TMX4: variants seen among roughly 807,000 people sequenced by gnomAD.
TMX4 encodes the protein thioredoxin-related transmembrane protein 4.
In TMX4, 23 loss-of-function variants were observed where a neutral mutation model predicts 33.3. The observed-to-expected ratio is 0.69, with a 90% CI of 0.50 to 0.98. TMX4 has a LOEUF of 0.98. Among genes scored for constraint, TMX4 ranks in the 50% least tolerant of loss-of-function variants. The pLI is 0.00. For synonymous variants in TMX4, 164 were observed against 161.5 expected, an observed-to-expected ratio of 1.02 and a Z score of -0.12; for missense variants, 399 against 448.9, an observed-to-expected ratio of 0.89 and a Z score of 1.01.
chr20:8,019,293 C>A, intron 1 of TMX4, 145 bp downstream of exon 1: 1 of 1,010,168 alleles, frequency 9.9e-7, no homozygotes, highest in South Asian at 1.9e-5. Flanking sequence ...GGCCCGGCAC[C>A]GGCGCCGCAG....
At chr20:8,006,925 C>T (rs1239122901) in intron 2 of TMX4, among the ~76,000 whole-genome samples, 1 of 152,098 alleles carries the variant, frequency 6.6e-6, no homozygotes, top group Non-Finnish European at 1.5e-5. Flanking sequence ...GCCACCACAC[C>T]CAGCTAATTT....
intron 1 of TMX4, among the ~76,000 whole-genome samples, chr20:8,016,765 C>T (rs1205243818): frequency 6.6e-6 from 1 of 152,152 alleles, no homozygotes; most frequent in African/African-American, 2.4e-5. Context: ...ATAAAGAACT[C>T]TCATTCAAAG....
At chr20:8,000,057 C>T (rs999288121) in intron 3 of TMX4, among the ~76,000 whole-genome samples, 197 bp from the exon 4 acceptor site, 6 of 152,048 alleles carry the variant, frequency 3.9e-5, no homozygotes, top group African/African-American at 1.4e-4. Context: ...AACCTAAAAG[C>T]GTTAACATTC....
chr20:7,993,530 T>C (rs1406665123), intron 5 of TMX4, among the ~76,000 whole-genome samples: 1 of 151,718 alleles, frequency 6.6e-6, no homozygotes, highest in Non-Finnish European at 1.5e-5. Context: ...TAACTAAAGG[T>C]GGGAGTGGGG....
intron 4 of TMX4, among the ~76,000 whole-genome samples, chr20:7,997,861 T>C (rs117828923): frequency 0.014 from 2,085 of 152,272 alleles, 55 homozygotes; most frequent in East Asian, 0.065. Flanking sequence ...TGGGGTCTGG[T>C]GGAAAGAGAG....
chr20:7,984,024 C>T (rs927245326), intron 6 of TMX4, among the ~76,000 whole-genome samples, 167 bp from the exon 7 acceptor site: 2 of 152,138 alleles, frequency 1.3e-5, no homozygotes, highest in African/African-American at 4.8e-5. Context: ...TCCTACTTTT[C>T]AAATGTGACA....
In TMX4 at chr20:7,987,322, A is replaced by G. The variant is rs764237721; in HGVS notation, c.581T>C (p.Ile194Thr). 6.3e-7 allele frequency: 1 copy of G among 1,598,758 alleles called. No individual in the cohort carries two copies. Among genetic ancestry groups the G allele is most frequent in the Non-Finnish European group, 8.5e-7 (1 of 1,175,894 alleles). Residue 194 changes from isoleucine (I) to threonine (T), a missense_variant, in exon 6 of 8, where the codon ATA becomes ACA. Transcript: ENST00000246024. Reference sequence around the variant, plus strand: ...AAAAAGGCCAAAAACCAAGGTGGCTATGACGAAAAAGACATAAGAACACCA... The same window carrying G: ...AAAAAGGCCAAAAACCAAGGTGGCTGTGACGAAAAAGACATAAGAACACCA... ...PAWCSYVFFV[I>T]ATLVFGLFMG...
chr20:8,018,386 GA>G (rs1412279890), intron 1 of TMX4, among the ~76,000 whole-genome samples: 43 of 57,788 alleles, frequency 7.4e-4, no homozygotes, highest in East Asian at 7.8e-3. Context: ...AGGAGAGAGA[GA>G]GAGAGGGAGG....
At chr20:8,019,286 C>G (rs2050800080) in intron 1 of TMX4, 152 bp downstream of exon 1, 2 of 938,674 alleles carry the variant, frequency 2.1e-6, no homozygotes, top group South Asian at 3.9e-5. Flanking sequence ...CGCAAGCGGC[C>G]CGGCACCGGC....
At chr20:8,009,937 A>G (rs1473547752) in intron 2 of TMX4, among the ~76,000 whole-genome samples, 2 of 151,842 alleles carry the variant, frequency 1.3e-5, no homozygotes, top group African/African-American at 2.4e-5. Flanking sequence ...TGAAGGGTAA[A>G]TTATCATGAT....
intron 1 of TMX4, among the ~76,000 whole-genome samples, chr20:8,018,391 AGG>A (rs1309197289): frequency 2.7e-4 from 9 of 32,810 alleles, no homozygotes; most frequent in African/African-American, 2.5e-3. Flanking sequence ...AGAGAGAGAG[AGG>A]GAGGGAGGGA....
intron 4 of TMX4, among the ~76,000 whole-genome samples, chr20:7,996,477 A>G (rs1442248335): frequency 6.6e-6 from 1 of 152,098 alleles, no homozygotes; most frequent in African/African-American, 2.4e-5. Flanking sequence ...CAAAACGTAC[A>G]CATCTTCCCA....
intron 2 of TMX4, among the ~76,000 whole-genome samples, chr20:8,002,114 G>GA (rs1199828033): frequency 6.6e-6 from 1 of 152,158 alleles, no homozygotes; most frequent in Non-Finnish European, 1.5e-5. Context: ...ATATGTATGT[G>GA]AAAAATATTT....
chr20:7,985,255 G>GTA lies in TMX4; in HGVS notation c.616-1399_616-1398insTA, dbSNP rs1213646600. On this transcript the variant is annotated intron_variant, in intron 6 of 7. Transcript: ENST00000246024. ...TGTGTGTGTATATATATGTGTGTGTGTGTATATATATATATATATATATTT... is the reference window on the plus strand; with the variant it reads ...TGTGTGTGTATATATATGTGTGTGTGTATGTATATATATATATATATATATTT... Among the ~76,000 whole-genome samples, 308 of 137,210 alleles carry GTA rather than the reference G, an allele frequency of 2.2e-3. 2 individuals carry two copies. The highest frequency in any genetic ancestry group is 4.7e-3 in the South Asian group (18 of 3,792). The allele number at this position is 137,210 out of a possible 152,430, so 90.0% of individuals were successfully genotyped here.
At chr20:7,996,493 A>G (rs1373149469) in intron 4 of TMX4, among the ~76,000 whole-genome samples, 1 of 152,068 alleles carries the variant, frequency 6.6e-6, no homozygotes, top group Non-Finnish European at 1.5e-5. Flanking sequence ...TCCCATCCCC[A>G]TGTACTCAGC....
At chr20:7,993,486 T>TA (rs1433325510) in intron 5 of TMX4, among the ~76,000 whole-genome samples, 4 of 152,086 alleles carry the variant, frequency 2.6e-5, no homozygotes, top group African/African-American at 9.7e-5. Context: ...ACTCGCTGAG[T>TA]AAGTGGCTCT....
chr20:7,981,921 T>C lies in TMX4; in HGVS notation c.*330A>G, dbSNP rs541068702. 1.8e-5 allele frequency: 4 copies of C among 218,572 alleles called. No homozygotes were observed. Among genetic ancestry groups the C allele is most frequent in the African/African-American group, 4.6e-5 (2 of 43,584 alleles). The allele number at this position is 218,572 out of a possible 1,614,324, so 13.5% of individuals were successfully genotyped here. A position where few individuals can be genotyped will look rare whatever the true frequency, so the allele number is the denominator to read the frequency against. Reference sequence around the variant, plus strand: ...TGCTTGGCTTTCATTTCACAGGGCCTGCAGCCTTGTCTCTGGAAGGTGCTG... The same window carrying C: ...TGCTTGGCTTTCATTTCACAGGGCCCGCAGCCTTGTCTCTGGAAGGTGCTG... On this transcript the variant is annotated 3_prime_UTR_variant, in exon 8 of 8. Transcript: ENST00000246024.
chr20:8,002,266 G>A (rs1472225667), intron 2 of TMX4, among the ~76,000 whole-genome samples: 1 of 152,212 alleles, frequency 6.6e-6, no homozygotes, highest in African/African-American at 2.4e-5. Context: ...TCCAGAGACT[G>A]TGGTTACCAC....
chr20:8,004,155 T>A (rs541119173), intron 2 of TMX4, among the ~76,000 whole-genome samples: 88 of 150,342 alleles, frequency 5.9e-4, no homozygotes, highest in African/African-American at 2.1e-3. Context: ...TCTGGGAGGC[T>A]AAAAGACATC....
Sources: allele counts gnomAD v4.1 joint callset (sites outside exome capture counted in the v4.1 genomes callset), GRCh38; gene constraint gnomAD v4.1.1; transcripts MANE v1.5; gene names NCBI Gene and HGNC (gene_info 2026-07-23, HGNC 2026-07-21).